COL25A1: variants seen among roughly 807,000 people sequenced by gnomAD.
The protein encoded by COL25A1 is collagen type XXV alpha 1 chain, also known as collagen alpha-1(XXV) chain.
COL25A1 carries 103 observed loss-of-function variants against 128.4 expected under a neutral mutation model. The ratio of observed to expected loss-of-function variants is 0.80; its 90% CI spans 0.68 to 0.94. COL25A1 has a LOEUF of 0.94. Ranked by LOEUF, COL25A1 falls within the 40% of genes least tolerant of loss-of-function variation. The pLI, the probability that COL25A1 is intolerant of heterozygous loss-of-function variation, is 0.00. For synonymous variants in COL25A1, 279 were observed against 277.2 expected (o/e 1.01, Z -0.06); for missense variants, 745 against 840.0 (o/e 0.89, Z 1.40).
chr4:109,004,035 A>G (rs1321990117), intron 6 of COL25A1, among the ~76,000 whole-genome samples: 1 of 151,708 alleles, frequency 6.6e-6, no homozygotes, highest in African/African-American at 2.4e-5. Context: ...TTCCATCTTA[A>G]CCACAGCTGT....
At chr4:108,817,726 T>G (rs951842441) in intron 36 of COL25A1, among the ~76,000 whole-genome samples, 3 of 152,214 alleles carry the variant, frequency 2.0e-5, no homozygotes, top group Non-Finnish European at 4.4e-5. Context: ...TTCATATCTA[T>G]ATTTTTAGAT....
At chr4:109,064,532 TC>T (rs541664444) in intron 3 of COL25A1, among the ~76,000 whole-genome samples, 267 of 152,294 alleles carry the variant, frequency 1.8e-3, no homozygotes, top group Middle Eastern at 6.8e-3. Flanking sequence ...ATCTGTGAAA[TC>T]CATTCCAATA....
intron 3 of COL25A1, among the ~76,000 whole-genome samples, chr4:109,280,350 G>C (rs1029095375): frequency 2.0e-5 from 3 of 152,152 alleles, no homozygotes; most frequent in African/African-American, 7.2e-5. Context: ...AAACATTCTT[G>C]CCAAAAATGT....
intron 11 of COL25A1, among the ~76,000 whole-genome samples, chr4:108,929,343 C>G (rs1746451687): frequency 6.6e-6 from 1 of 152,010 alleles, no homozygotes; most frequent in Non-Finnish European, 1.5e-5. Flanking sequence ...AGGCTGGTCT[C>G]AAACTCCTGA....
At chr4:109,140,563 G>A (rs1286235942) in intron 3 of COL25A1, among the ~76,000 whole-genome samples, 2 of 152,176 alleles carry the variant, frequency 1.3e-5, no homozygotes, top group Non-Finnish European at 2.9e-5. Flanking sequence ...TCCTATCCAT[G>A]AGCATGGAAT....
chr4:108,866,344 C>T (rs1490569786), intron 20 of COL25A1, among the ~76,000 whole-genome samples: 3 of 152,036 alleles, frequency 2.0e-5, no homozygotes, highest in Non-Finnish European at 2.9e-5. Flanking sequence ...AGGCATGCGC[C>T]GCCATGCCCA....
At chr4:109,288,592 C>T (rs1560985756) in intron 3 of COL25A1, among the ~76,000 whole-genome samples, 1 of 152,034 alleles carries the variant, frequency 6.6e-6, no homozygotes, top group Non-Finnish European at 1.5e-5. Flanking sequence ...ACTGCCTGTA[C>T]ATAATTTTCC....
chr4:109,001,892 A>AT (rs1755449161), intron 6 of COL25A1, among the ~76,000 whole-genome samples: 1 of 51,664 alleles, frequency 1.9e-5, no homozygotes, highest in East Asian at 0.071. Context: ...TATTAAAAGT[A>AT]CTATCACAAG....
intron 3 of COL25A1, among the ~76,000 whole-genome samples, chr4:109,081,380 C>G: frequency 6.6e-6 from 1 of 152,080 alleles, no homozygotes. Flanking sequence ...TCATTTTTTA[C>G]AGTTGAAATA....
intron 5 of COL25A1, among the ~76,000 whole-genome samples, chr4:109,020,757 TA>T (rs1377400634): frequency 1.3e-5 from 2 of 152,234 alleles, no homozygotes; most frequent in Non-Finnish European, 2.9e-5. Context: ...ATTTTTGCTA[TA>T]AAAATTTCAC....
chr4:109,266,778 CA>C (rs1320492443), intron 3 of COL25A1, among the ~76,000 whole-genome samples: 10 of 152,074 alleles, frequency 6.6e-5, no homozygotes, highest in Non-Finnish European at 8.8e-5. Flanking sequence ...TTTCTTCAAG[CA>C]AAAACCAAGT....
In COL25A1 at chr4:108,809,239, T is replaced by C. The variant is rs1262236361; in HGVS notation, c.*4688A>G. 3 of 152,068 alleles carry C rather than the reference T, an allele frequency of 2.0e-5. No homozygotes were observed. The highest frequency in any genetic ancestry group is 4.1e-4 in the South Asian group (2 of 4,830). 9.4% of individuals were successfully genotyped at this position (152,068 alleles called of 1,614,324 possible). On this transcript the variant is annotated 3_prime_UTR_variant, in exon 38 of 38. Coordinates refer to ENST00000399132, the MANE Select transcript of COL25A1 (RefSeq NM_198721.4). ...GTATTTATGTGAGTTTTTGGCAATA[T>C]AAAAATAGCTGCACATAGAGATGAA...
intron 8 of COL25A1, among the ~76,000 whole-genome samples, chr4:108,954,476 A>G (rs1474659420): frequency 1.3e-5 from 2 of 152,056 alleles, no homozygotes; most frequent in Non-Finnish European, 1.5e-5. Context: ...TTTAACCTCA[A>G]AAGTCTTTTA....
intron 5 of COL25A1, 59 bp from the exon 6 acceptor site, chr4:109,010,434 C>G: frequency 8.1e-7 from 1 of 1,233,804 alleles, no homozygotes; most frequent in Non-Finnish European, 1.1e-6. Flanking sequence ...TGAATATTTT[C>G]ACTACCAAAA....
chr4:108,867,946 T>G (rs1420709627), intron 20 of COL25A1, among the ~76,000 whole-genome samples: 1 of 152,138 alleles, frequency 6.6e-6, no homozygotes, highest in Non-Finnish European at 1.5e-5. Context: ...TCCCTAGGTT[T>G]GCCAAGTAGA....
intron 8 of COL25A1, among the ~76,000 whole-genome samples, chr4:108,970,122 G>A (rs746923159): frequency 2.0e-5 from 3 of 151,970 alleles, no homozygotes; most frequent in African/African-American, 4.8e-5. Context: ...GGCTGGTCTC[G>A]AACTCCTGAT....
chr4:108,985,996 C>G (rs137990953), intron 6 of COL25A1, among the ~76,000 whole-genome samples: 4 of 152,292 alleles, frequency 2.6e-5, no homozygotes, highest in African/African-American at 9.6e-5. Context: ...TTGTTAAACA[C>G]AGTACTGCTC....
At chr4:109,013,896 C>T (rs1309294454) in intron 5 of COL25A1, among the ~76,000 whole-genome samples, 4 of 152,178 alleles carry the variant, frequency 2.6e-5, no homozygotes, top group Admixed American at 2.6e-4. Flanking sequence ...CCACCAATTT[C>T]AGACACAAAA....
intron 3 of COL25A1, among the ~76,000 whole-genome samples, chr4:109,288,344 T>C (rs1382855667): frequency 6.6e-6 from 1 of 152,178 alleles, no homozygotes; most frequent in East Asian, 1.9e-4. Flanking sequence ...CTGTTTGCTC[T>C]GTTGCTAAAT....
Sources: gnomAD v4.1 joint callset for allele counts (sites outside exome capture counted in the v4.1 genomes callset) on GRCh38, gnomAD v4.1.1 for gene constraint, MANE v1.5 for transcripts, NCBI Gene and HGNC (gene_info 2026-07-23, HGNC 2026-07-21) for gene names.